Variants in SLC12A2 observed in about 807,000 individuals in gnomAD.
The protein encoded by SLC12A2 is Na-K-2Cl cotransporter 1.
In SLC12A2, 67 loss-of-function variants were observed where a neutral mutation model predicts 136.3. The observed-to-expected ratio is 0.49, with a 90% CI of 0.40 to 0.60. SLC12A2 has a LOEUF of 0.60. SLC12A2 is among the 20% of genes least tolerant of loss of function. The pLI is 0.00. For synonymous variants in SLC12A2, 619 were observed against 562.9 expected, an observed-to-expected ratio of 1.10 and a Z score of -1.41; for missense variants, 1,322 against 1,534.7, an observed-to-expected ratio of 0.86 and a Z score of 2.32.
intron 1 of SLC12A2, among the ~76,000 whole-genome samples, chr5:128,112,396 G>A (rs1472639448): frequency 6.6e-6 from 1 of 152,190 alleles, no homozygotes; most frequent in African/African-American, 2.4e-5. Flanking sequence ...GTGATGAAGA[G>A]GAGTTTTAAG....
chr5:128,183,961 T>C (rs1763788560), intron 24 of SLC12A2, among the ~76,000 whole-genome samples: 1 of 152,028 alleles, frequency 6.6e-6, no homozygotes, highest in Non-Finnish European at 1.5e-5. Context: ...ACCAAAAGTG[T>C]TTCAGATTTC....
rs1034128558 is a variant in SLC12A2 at position 128,123,706 on chromosome 5, G to A, written c.1049-7361G>A. 2.0e-5 allele frequency among the ~76,000 whole-genome samples: 3 copies of A among 152,118 alleles called. No homozygotes were observed. The East Asian group carries it at 5.8e-4, about 29-fold the overall frequency. ...GATACAACTACTTTATCAAATAAATGATTTATAGTTTTTTTGTCTTGAGTA... is the reference window on the plus strand; with the variant it reads ...GATACAACTACTTTATCAAATAAATAATTTATAGTTTTTTTGTCTTGAGTA... On this transcript the variant is annotated intron_variant, in intron 4 of 26. Transcript: ENST00000262461.
chr5:128,109,496 T>G, intron 1 of SLC12A2: 1 of 564,114 alleles, frequency 1.8e-6, no homozygotes, highest in Non-Finnish European at 3.3e-6. Context: ...ATGTTTAGCA[T>G]TTTGCTGCTT....
At chr5:128,152,409 A>G (rs923422765) in intron 14 of SLC12A2, among the ~76,000 whole-genome samples, 1 of 152,214 alleles carries the variant, frequency 6.6e-6, no homozygotes, top group Non-Finnish European at 1.5e-5. Flanking sequence ...GCTATATACA[A>G]ACAATAATTT....
chr5:128,184,208 G>T (rs1581145317), intron 24 of SLC12A2, among the ~76,000 whole-genome samples, 158 bp from the exon 25 acceptor site: 1 of 152,018 alleles, frequency 6.6e-6, no homozygotes, highest in Non-Finnish European at 1.5e-5. Flanking sequence ...TGCTGTTTTT[G>T]AAATAAATTG....
chr5:128,143,229 C>A (rs1214725746), intron 10 of SLC12A2, among the ~76,000 whole-genome samples: 1 of 152,006 alleles, frequency 6.6e-6, no homozygotes, highest in Non-Finnish European at 1.5e-5. Flanking sequence ...CAATTAAGTT[C>A]AGTTTTCTAA....
chr5:128,178,761 A>ACT (rs930117539), intron 22 of SLC12A2, 72 bp downstream of exon 22: 1 of 1,185,534 alleles, frequency 8.4e-7, no homozygotes, highest in African/African-American at 1.6e-5. Context: ...AATGACATGC[A>ACT]CTCTTTACCT....
intron 1 of SLC12A2, among the ~76,000 whole-genome samples, chr5:128,097,716 G>A (rs1180394910): frequency 1.3e-5 from 2 of 152,052 alleles, no homozygotes; most frequent in Non-Finnish European, 2.9e-5. Context: ...TCATCTAGAT[G>A]ATAAACATGT....
chr5:128,169,553 G>C (rs1233258269), intron 18 of SLC12A2: 3 of 152,088 alleles, frequency 2.0e-5, no homozygotes, highest in Admixed American at 6.5e-5. Context: ...TAAAACTGCT[G>C]ATGTGTTGTA....
chr5:128,084,704 G>A lies in SLC12A2; in HGVS notation c.750G>A (p.Leu250=). The A allele has an allele frequency of 6.3e-7, 1 of 1,592,826 alleles. No individual in the cohort carries two copies. Among genetic ancestry groups the A allele is most frequent in the Non-Finnish European group, 8.6e-7 (1 of 1,168,098 alleles). The change falls in exon 1 of 27, where the codon CTG becomes CTA. Residue 250 remains leucine (L), a synonymous_variant. Coordinates refer to ENST00000262461, the MANE Select transcript of SLC12A2 (RefSeq NM_001046.3). The surrounding 1 kb of genome is among the most constrained non-coding windows in gnomAD (Gnocchi z 5.6). ...GCCTGGCGGAGCTCCACGACGAGCT[G>A]GAAAAGGTGAGCTCGCCCAGCCCTC... ...RPSLAELHDE[L]EKEPFEDGFA...
chr5:128,093,719 A>T (rs888195790), intron 1 of SLC12A2, among the ~76,000 whole-genome samples: 3 of 152,144 alleles, frequency 2.0e-5, no homozygotes, highest in Admixed American at 2.0e-4. Context: ...GTGTAAAAGT[A>T]ATTGCATTTT....
intron 10 of SLC12A2, among the ~76,000 whole-genome samples, chr5:128,144,466 A>T (rs1008865138): frequency 6.6e-6 from 1 of 152,170 alleles, no homozygotes; most frequent in Non-Finnish European, 1.5e-5. Context: ...ACTTCAGGGA[A>T]TAAAGTTATT....
chr5:128,112,779 T>C (rs1761200842), intron 1 of SLC12A2, 35 bp from the exon 2 acceptor site: 7 of 1,531,410 alleles, frequency 4.6e-6, no homozygotes, highest in Middle Eastern at 3.5e-4. Context: ...AAATTTTAAA[T>C]GTTAAGCATA....
At chr5:128,089,179 A>AT (rs1250260934) in intron 1 of SLC12A2, among the ~76,000 whole-genome samples, 1 of 151,776 alleles carries the variant, frequency 6.6e-6, no homozygotes, top group Non-Finnish European at 1.5e-5. Flanking sequence ...CAAAAAAAAA[A>AT]AAAAAAAGAA....
intron 6 of SLC12A2, among the ~76,000 whole-genome samples, chr5:128,135,482 A>G (rs371376296): frequency 6.6e-6 from 1 of 152,046 alleles, no homozygotes; most frequent in African/African-American, 2.4e-5. Flanking sequence ...CACTTTTACT[A>G]TCTTTTTTTT....
intron 1 of SLC12A2, chr5:128,109,817 G>C (rs1761079355): frequency 2.5e-6 from 2 of 793,614 alleles, no homozygotes; most frequent in African/African-American, 1.7e-5. Flanking sequence ...TCTGAAGATG[G>C]GAGTTAAATT....
chr5:128,184,624 T>C (rs1301717936), intron 25 of SLC12A2, 123 bp downstream of exon 25: 68 of 1,327,764 alleles, frequency 5.1e-5, no homozygotes, highest in Non-Finnish European at 6.6e-5. Flanking sequence ...ATAGATTTAT[T>C]TGAGGTTAGT....
intron 5 of SLC12A2, among the ~76,000 whole-genome samples, chr5:128,133,142 A>G (rs528701724): frequency 5.9e-5 from 9 of 152,202 alleles, no homozygotes; most frequent in African/African-American, 2.2e-4. Flanking sequence ...AATTCAAGAG[A>G]TGTCGAAATC....
rs1193703719 is a variant in SLC12A2 at position 128,187,947 on chromosome 5, A to G, written c.*1316A>G. On this transcript the variant is annotated 3_prime_UTR_variant, in exon 27 of 27. Transcript: ENST00000262461. ...GGAAGGATTTCCTGAAAACATTTCA[A>G]GGGATTTATGTCTACATATTTGTGT... 6.6e-6 allele frequency: 1 copy of G among 152,574 alleles called. No individual in the cohort carries two copies. The highest frequency in any genetic ancestry group is 1.5e-5 in the Non-Finnish European group (1 of 68,012). The allele number at this position is 152,574 out of a possible 1,614,324, so 9.5% of individuals were successfully genotyped here.
Sources: gnomAD v4.1 joint callset for allele counts (sites outside exome capture counted in the v4.1 genomes callset) on GRCh38, gnomAD v4.1.1 for gene constraint, Gnocchi (gnomAD v3.1) non-coding constraint, MANE v1.5 for transcripts, NCBI Gene and HGNC (gene_info 2026-07-23, HGNC 2026-07-21) for gene names.